Variants in THNSL2 observed in about 807,000 individuals in gnomAD.
THNSL2 encodes threonine synthase-like 2.
THNSL2 carries 34 observed loss-of-function variants against 40.0 expected under a neutral mutation model. The ratio of observed to expected loss-of-function variants is 0.85; its 90% CI spans 0.65 to 1.13. The LOEUF is 1.13. Among genes scored for constraint, THNSL2 ranks in the 50% most tolerant of loss-of-function variants. The pLI is 0.00. For missense variants in THNSL2, 537 were observed against 608.8 expected, an observed-to-expected ratio of 0.88 and a Z score of 1.24; for synonymous variants, 241 against 247.5, an observed-to-expected ratio of 0.97 and a Z score of 0.25.
rs773009599 is a variant in THNSL2 at position 88,183,062 on chromosome 2, C to G, written c.1066C>G (p.Leu356Val). The change falls in exon 7 of 9, where the codon CTG becomes GTG. Residue 356 changes from leucine to valine, a missense_variant. By Grantham distance (32) the Leu-to-Val change is conservative. Coordinates refer to ENST00000674334, the MANE Select transcript of THNSL2 (RefSeq NM_018271.5). ...CCAAAGTGTGAATCTGCCCAAGGAA[C>G]TGCACAGCAAGGTCAGTCACTACCC... ...RTQSVNLPKELHSKLSEAVTS... is the reference protein window; with the variant it reads ...RTQSVNLPKEVHSKLSEAVTS... 27 of 1,612,868 alleles carry G rather than the reference C, an allele frequency of 1.7e-5. No homozygotes were observed. The highest frequency in any genetic ancestry group is 6.7e-5 in the Admixed American group (4 of 60,006).
chr2:88,185,626 T>C (rs2104291424), intron 8 of THNSL2, 147 bp downstream of exon 8: 1 of 1,551,392 alleles, frequency 6.4e-7, no homozygotes, highest in Non-Finnish European at 8.7e-7. Context: ...CCTTGGAAAC[T>C]GTGGGCCCAG....
In THNSL2 at chr2:88,170,410, GGCCTCGCGCCCCGC is replaced by G. The variant is rs1341881450; in HGVS notation, c.-55_-42del. ...GCCCGGGCAGCCCTGCTGCGCACCGGGCCTCGCGCCCCGCGCCCCGCGCCCCGCGCCCCGCGCCC... is the reference window on the plus strand; with the variant it reads ...GCCCGGGCAGCCCTGCTGCGCACCGGGCCCCGCGCCCCGCGCCCCGCGCCC... On this transcript the variant is annotated 5_prime_UTR_variant, in exon 1 of 9. Coordinates refer to ENST00000674334, the MANE Select transcript of THNSL2 (RefSeq NM_018271.5). The G allele has an allele frequency of 1.6e-5, 2 of 122,888 alleles. No individual in the cohort carries two copies. The highest frequency in any genetic ancestry group is 6.8e-5 in the African/African-American group (2 of 29,550). 7.6% of individuals were successfully genotyped at this position (122,888 alleles called of 1,614,324 possible). A position where few individuals can be genotyped will look rare whatever the true frequency, so the allele number is the denominator to read the frequency against.
intron 4 of THNSL2, chr2:88,176,006 G>A (rs971258155): frequency 6.6e-6 from 1 of 152,600 alleles, no homozygotes; most frequent in African/African-American, 2.4e-5. Flanking sequence ...GCTGAGATGG[G>A]AGGATCGCTT....
intron 8 of THNSL2, 111 bp from the exon 9 acceptor site, chr2:88,185,787 A>AC (rs973728993): frequency 2.3e-5 from 36 of 1,534,736 alleles, no homozygotes; most frequent in Middle Eastern, 2.2e-4. Flanking sequence ...TGTCCTCCAT[A>AC]CCCCCCCATC....
intron 4 of THNSL2, 36 bp from the exon 5 acceptor site, chr2:88,178,747 C>G: frequency 1.9e-6 from 3 of 1,611,590 alleles, no homozygotes; most frequent in Non-Finnish European, 2.5e-6. Context: ...GTTCTACATG[C>G]TCCTGACAGC....
chr2:88,185,263 G>A (rs1678145586), intron 7 of THNSL2, 65 bp from the exon 8 acceptor site: 1 of 1,501,632 alleles, frequency 6.7e-7, no homozygotes, highest in Non-Finnish European at 8.9e-7. Context: ...GTGGAGAGTG[G>A]GGTTTTGTCA....
chr2:88,184,602 TA>T (rs59914368), intron 7 of THNSL2, among the ~76,000 whole-genome samples: 32,710 of 141,900 alleles, frequency 0.23, 4,605 homozygotes, highest in East Asian at 0.54. Context: ...CCGTCTCTAC[TA>T]AAAAAAAAAA....
chr2:88,171,202 C>A, intron 1 of THNSL2: 1 of 446,564 alleles, frequency 2.2e-6, no homozygotes, highest in South Asian at 1.6e-5. Context: ...TTACATTGAA[C>A]CCAACCATGT....
At chr2:88,171,165 C>T (rs1676330369) in intron 1 of THNSL2, 1 of 409,344 alleles carries the variant, frequency 2.4e-6, no homozygotes, top group Admixed American at 2.5e-5. Context: ...TTCACCACCT[C>T]CTGTGGTTGC....
chr2:88,182,451 T>C (rs2104259619), intron 5 of THNSL2: 1 of 340,710 alleles, frequency 2.9e-6, no homozygotes, highest in African/African-American at 2.1e-5. Context: ...AATTGGGTTA[T>C]TTGTATTTTT....
chr2:88,181,660 G>GT (rs1473434945), intron 5 of THNSL2, among the ~76,000 whole-genome samples: 1 of 151,322 alleles, frequency 6.6e-6, no homozygotes, highest in African/African-American at 2.4e-5. Context: ...TGATTCAGTG[G>GT]TTTTTAGTAT....
At chr2:88,184,377 G>A (rs1678024904) in intron 7 of THNSL2, among the ~76,000 whole-genome samples, 1 of 152,140 alleles carries the variant, frequency 6.6e-6, no homozygotes, top group East Asian at 1.9e-4. Context: ...TACTGTGAGC[G>A]AGGAACTGTG....
chr2:88,178,664 C>A, intron 4 of THNSL2, 119 bp from the exon 5 acceptor site: 1 of 956,730 alleles, frequency 1.0e-6, no homozygotes, highest in Non-Finnish European at 1.6e-6. Flanking sequence ...GAAACCTAGG[C>A]TGCGCGAAGG....
intron 1 of THNSL2, chr2:88,171,087 G>A: frequency 3.0e-6 from 1 of 337,546 alleles, no homozygotes; most frequent in South Asian, 2.2e-5. Context: ...ACGTAGTCCG[G>A]GTCTCCATCC....
chr2:88,183,172 C>G, intron 7 of THNSL2, 99 bp downstream of exon 7: 4 of 1,499,152 alleles, frequency 2.7e-6, no homozygotes, highest in Non-Finnish European at 3.6e-6. Context: ...ACACCTGTTT[C>G]TTGAGTACCT....
At chr2:88,185,208 G>A (rs761809159) in intron 7 of THNSL2, 120 bp from the exon 8 acceptor site, 8 of 1,383,990 alleles carry the variant, frequency 5.8e-6, no homozygotes, top group South Asian at 1.4e-5. Context: ...TGAGCCATTC[G>A]GTCTGAATGT....
rs746346254 is a variant in THNSL2 at position 88,175,255 on chromosome 2, C to T, written c.425C>T (p.Ser142Phe). ...EKHVTVVVGT[S>F]GDTGSAAIES... is the part of the protein sequence containing the mutation. ...CTCCTTTCTTCCCATCCAGGAACAT[C>T]TGGGGACACAGGAAGTGCTGCCATT... Residue 142 changes from serine (S) to phenylalanine (F), a missense_variant, in exon 4 of 9, where the codon TCT (serine) becomes TTT (phenylalanine). Physicochemically the swap from Ser to Phe is radical, Grantham distance 155. Coordinates refer to ENST00000674334, the MANE Select transcript of THNSL2 (RefSeq NM_018271.5). 1 of 1,614,016 alleles carries T rather than the reference C, an allele frequency of 6.2e-7. No individual in the cohort carries two copies. Among genetic ancestry groups the T allele is most frequent in the Admixed American group, 1.7e-5 (1 of 60,006 alleles).
intron 5 of THNSL2, 104 bp downstream of exon 5, chr2:88,179,117 G>T: frequency 1.7e-6 from 2 of 1,181,756 alleles, no homozygotes; most frequent in African/African-American, 1.5e-5. Context: ...GGAAGGTGGA[G>T]TCCCAGTTCT....
chr2:88,184,575 G>A (rs1021932433), intron 7 of THNSL2, among the ~76,000 whole-genome samples: 9 of 151,320 alleles, frequency 5.9e-5, no homozygotes, highest in African/African-American at 2.2e-4. Context: ...GACCAGCCTG[G>A]CCAACATGGT....
Sources: allele counts gnomAD v4.1 joint callset (sites outside exome capture counted in the v4.1 genomes callset), GRCh38; gene constraint gnomAD v4.1.1; transcripts MANE v1.5; gene names NCBI Gene and HGNC (gene_info 2026-07-23, HGNC 2026-07-21).